TMEM178B: variants seen among roughly 807,000 people sequenced by gnomAD.
TMEM178B encodes transmembrane protein 178B.
Under a neutral mutation model 31.0 loss-of-function variants are expected in TMEM178B, and 5 were observed. The ratio of observed to expected loss-of-function variants is 0.16; its 90% CI spans 0.08 to 0.34. TMEM178B has a LOEUF of 0.34. Ranked by LOEUF, TMEM178B falls within the 10% of genes least tolerant of loss-of-function variation. The pLI is 1.00. For synonymous variants in TMEM178B, 164 were observed against 164.0 expected (o/e 1.00, Z 0.00); for missense variants, 275 against 400.3 (o/e 0.69, Z 2.67).
chr7:141,482,432 G>T (rs774193313), downstream of TMEM178B, among the ~76,000 whole-genome samples: 3 of 152,350 alleles, frequency 2.0e-5, no homozygotes, highest in Admixed American at 2.0e-4. Context: ...CAGGCACTAA[G>T]CTGTCTTGAA....
At chr7:141,252,601 T>C (rs996556337) in intron 2 of TMEM178B, among the ~76,000 whole-genome samples, 16 of 152,240 alleles carry the variant, frequency 1.1e-4, no homozygotes, top group Non-Finnish European at 7.3e-5. Context: ...CAGTGTTACA[T>C]AGTTTGAAGG....
chr7:141,156,359 T>C (rs1230042008), intron 1 of TMEM178B, among the ~76,000 whole-genome samples: 2 of 152,216 alleles, frequency 1.3e-5, no homozygotes, highest in African/African-American at 4.8e-5. Context: ...TAGGCAATGA[T>C]ATTACTAAGG....
intron 3 of TMEM178B, among the ~76,000 whole-genome samples, chr7:141,455,181 T>C (rs549248632): frequency 6.6e-6 from 1 of 152,316 alleles, no homozygotes; most frequent in African/African-American, 2.4e-5. Context: ...CTAATCCTTA[T>C]AGAAAACTCG....
chr7:141,335,079 G>C (rs1282951684), intron 2 of TMEM178B, among the ~76,000 whole-genome samples: 1 of 152,202 alleles, frequency 6.6e-6, no homozygotes, highest in Non-Finnish European at 1.5e-5. Context: ...AGCTTGGTTA[G>C]TGCAGCCTCC....
At chr7:141,404,120 A>G (rs1156789886) in intron 2 of TMEM178B, among the ~76,000 whole-genome samples, 1 of 152,158 alleles carries the variant, frequency 6.6e-6, no homozygotes, top group African/African-American at 2.4e-5. Flanking sequence ...CCTGGCTAAC[A>G]TGGTGAAACC....
At chr7:141,302,799 G>A (rs1798750681) in intron 2 of TMEM178B, among the ~76,000 whole-genome samples, 1 of 152,174 alleles carries the variant, frequency 6.6e-6, no homozygotes, top group Admixed American at 6.5e-5. Flanking sequence ...CACAGAATTA[G>A]AAAAGATTTC....
At position 141,422,134 on chromosome 7, in the gene TMEM178B, C is replaced by T. The variant is rs1801222334; in HGVS notation, c.497-15474C>T. On this transcript the variant is annotated intron_variant, in intron 2 of 3. Coordinates refer to ENST00000565468, the MANE Select transcript of TMEM178B (RefSeq NM_001195278.2). This position sits in a 1 kb window ranked among gnomAD's most constrained non-coding sequence, Gnocchi z 4.2. ...CTTTATTTTTACGATTCTACCTGCT[C>T]CCTGTTAACCCTATTACTTCTGGCT... Among the ~76,000 whole-genome samples, 1 of 152,170 alleles carries T rather than the reference C, an allele frequency of 6.6e-6. No homozygotes were observed. Among genetic ancestry groups the T allele is most frequent in the African/African-American group, 2.4e-5 (1 of 41,428 alleles).
At chr7:141,105,514 A>G (rs1795129558) in intron 1 of TMEM178B, among the ~76,000 whole-genome samples, 1 of 152,176 alleles carries the variant, frequency 6.6e-6, no homozygotes, top group Admixed American at 6.5e-5. Context: ...CTCAAAAACT[A>G]AACAAAACAA....
At position 141,309,122 on chromosome 7, in the gene TMEM178B, A is replaced by G. The variant is rs1411177914; in HGVS notation, c.496+96418A>G. Among the ~76,000 whole-genome samples, 5 of 152,276 alleles carry G rather than the reference A, an allele frequency of 3.3e-5. 1 individual carries two copies. The highest frequency in any genetic ancestry group is 3.3e-4 in the Admixed American group (5 of 15,300). Reference sequence around the variant, plus strand: ...ATGATTGCAACAATAATACATTTACATTATAAAATAACTTGGAAAAGTATA... The same window carrying G: ...ATGATTGCAACAATAATACATTTACGTTATAAAATAACTTGGAAAAGTATA... On this transcript the variant is annotated intron_variant, in intron 2 of 3. Transcript: ENST00000565468.
At chr7:141,245,248 A>G (rs575546385) in intron 2 of TMEM178B, among the ~76,000 whole-genome samples, 12 of 149,164 alleles carry the variant, frequency 8.0e-5, no homozygotes, top group Non-Finnish European at 1.6e-4. Context: ...GAGCCAAGAA[A>G]CATCATGTTA....
chr7:141,504,431 G>A, the TMEM178B span, among the ~76,000 whole-genome samples: 1 of 152,246 alleles, frequency 6.6e-6, no homozygotes, highest in South Asian at 2.1e-4. Flanking sequence ...CTGAAGAAAA[G>A]GAGCCACAAA....
intron 2 of TMEM178B, among the ~76,000 whole-genome samples, chr7:141,434,760 C>A (rs1801503287): frequency 6.6e-6 from 1 of 152,188 alleles, no homozygotes; most frequent in Non-Finnish European, 1.5e-5. Context: ...ATTAACCAAT[C>A]TTTCTTCATC....
Position 141,407,573 on chromosome 7 carries a change from G to A in TMEM178B, c.497-30035G>A, listed in dbSNP as rs559177733. 7.2e-5 allele frequency among the ~76,000 whole-genome samples: 11 copies of A among 152,188 alleles called. No homozygotes were observed. In the South Asian group the frequency reaches 1.5e-3, roughly 20 times the overall value. On this transcript the variant is annotated intron_variant, in intron 2 of 3. Coordinates refer to ENST00000565468, the MANE Select transcript of TMEM178B (RefSeq NM_001195278.2). Reference sequence around the variant, plus strand: ...CGGCCATACCACCCTGAACGCTCCCGATCTCGTCTGAATAGCTTACATATA... The same window carrying A: ...CGGCCATACCACCCTGAACGCTCCCAATCTCGTCTGAATAGCTTACATATA...
intron 1 of TMEM178B, among the ~76,000 whole-genome samples, chr7:141,076,828 C>A (rs1439792803): frequency 6.6e-6 from 1 of 152,148 alleles, no homozygotes; most frequent in African/African-American, 2.4e-5. Context: ...TTCCCCATCG[C>A]CCAAAATACA....
intron 3 of TMEM178B, among the ~76,000 whole-genome samples, chr7:141,465,539 A>G (rs550506830): frequency 5.9e-5 from 9 of 152,270 alleles, no homozygotes; most frequent in African/African-American, 1.9e-4. Context: ...ACGGGATTCA[A>G]TCAATGTTTG....
chr7:141,289,524 T>C (rs1236307897), intron 2 of TMEM178B, among the ~76,000 whole-genome samples: 2 of 151,968 alleles, frequency 1.3e-5, no homozygotes, highest in Non-Finnish European at 2.9e-5. Context: ...GAGGCCAGCC[T>C]GGCAAACATG....
intron 2 of TMEM178B, chr7:141,352,137 C>T (rs1799740711): frequency 6.6e-6 from 1 of 152,558 alleles, no homozygotes; most frequent in East Asian, 1.9e-4. Context: ...GAAGGTATTA[C>T]TACTACCACT....
the TMEM178B span, among the ~76,000 whole-genome samples, chr7:141,496,330 C>T: frequency 3.3e-5 from 5 of 152,232 alleles, no homozygotes; most frequent in Middle Eastern, 3.4e-3. Flanking sequence ...GTATGTGATC[C>T]ATATAAGGAT....
Position 141,468,498 on chromosome 7 carries a change from A to T in TMEM178B, c.635-2038A>T, listed in dbSNP as rs1417055277. The stretch of plus-strand genomic sequence containing the variant: ...CTAGCCTGCCTGAGTTTGTAACCTG[A>T]CTCTGTCAGTTACTAGCTGTGTGAT... On this transcript the variant is annotated intron_variant, in intron 3 of 3. Coordinates refer to ENST00000565468, the MANE Select transcript of TMEM178B (RefSeq NM_001195278.2). Among the ~76,000 whole-genome samples the T allele has an allele frequency of 2.6e-5, 4 of 152,040 alleles. No homozygotes were observed. The East Asian group carries it at 7.7e-4, about 29-fold the overall frequency.
Sources: allele counts gnomAD v4.1 joint callset (sites outside exome capture counted in the v4.1 genomes callset), GRCh38; gene constraint gnomAD v4.1.1; non-coding constraint Gnocchi (gnomAD v3.1); transcripts MANE v1.5; gene names NCBI Gene and HGNC (gene_info 2026-07-23, HGNC 2026-07-21).